QTMAN: variants seen among roughly 807,000 people sequenced by gnomAD.
QTMAN encodes queuosine-tRNA mannosyltransferase.
chr2:143,980,460 T>A, the QTMAN span, among the ~76,000 whole-genome samples: 15 of 152,196 alleles, frequency 9.9e-5, no homozygotes, highest in African/African-American at 3.6e-4. Context: ...TAACCTCTGG[T>A]TCCCCTATCA....
chr2:144,206,616 C>T, the QTMAN span, among the ~76,000 whole-genome samples: 2 of 152,104 alleles, frequency 1.3e-5, no homozygotes, highest in Non-Finnish European at 2.9e-5. Context: ...TGACAGATAC[C>T]ATTGTTAGGC....
chr2:144,150,700 T>C, the QTMAN span, among the ~76,000 whole-genome samples: 1 of 152,078 alleles, frequency 6.6e-6, no homozygotes, highest in Non-Finnish European at 1.5e-5. Context: ...TAGATGAATT[T>C]CACCTACCCA....
the QTMAN span, among the ~76,000 whole-genome samples, chr2:144,073,447 C>T: frequency 6.6e-6 from 1 of 151,998 alleles, no homozygotes; most frequent in East Asian, 1.9e-4. Flanking sequence ...GGGAGTCATT[C>T]TAAATATTCA....
the QTMAN span, among the ~76,000 whole-genome samples, chr2:144,160,014 C>T: frequency 1.3e-5 from 2 of 151,740 alleles, no homozygotes; most frequent in East Asian, 1.9e-4. Flanking sequence ...TAACAGTACA[C>T]GTAAAGACTA....
chr2:143,963,363 A>T, the QTMAN span, among the ~76,000 whole-genome samples: 9 of 152,176 alleles, frequency 5.9e-5, no homozygotes, highest in Admixed American at 2.6e-4. Flanking sequence ...GATTTCACTA[A>T]GAAAAAATAC....
chr2:144,024,496 G>C, the QTMAN span, among the ~76,000 whole-genome samples: 1 of 152,200 alleles, frequency 6.6e-6, no homozygotes, highest in Non-Finnish European at 1.5e-5. Flanking sequence ...CATATGTGAA[G>C]TGGAAAGAGG....
At chr2:144,299,005 T>TC in the QTMAN span, among the ~76,000 whole-genome samples, 1 of 152,184 alleles carries the variant, frequency 6.6e-6, no homozygotes, top group African/African-American at 2.4e-5. Context: ...GACTTTTTTT[T>TC]CAGCAGGATC....
the QTMAN span, among the ~76,000 whole-genome samples, chr2:144,122,458 A>G: frequency 6.6e-6 from 1 of 152,190 alleles, no homozygotes; most frequent in East Asian, 1.9e-4. Context: ...AAGAAAAAAC[A>G]CTGCACAAAT....
At chr2:144,270,094 T>C in the QTMAN span, among the ~76,000 whole-genome samples, 8 of 152,324 alleles carry the variant, frequency 5.3e-5, no homozygotes, top group Admixed American at 2.0e-4. Flanking sequence ...CTAATGGACA[T>C]ATTTAGTTGT....
the QTMAN span, among the ~76,000 whole-genome samples, chr2:144,230,907 T>C: frequency 6.6e-6 from 1 of 152,174 alleles, no homozygotes; most frequent in Non-Finnish European, 1.5e-5. Context: ...TCACTTTACC[T>C]TGCAATCTAC....
chr2:144,199,209 G>A, the QTMAN span, among the ~76,000 whole-genome samples: 7 of 152,050 alleles, frequency 4.6e-5, no homozygotes, highest in Middle Eastern at 3.4e-3. Context: ...CACTACGCCC[G>A]GCTAATTTTT....
the QTMAN span, among the ~76,000 whole-genome samples, chr2:144,195,771 T>A: frequency 6.6e-6 from 1 of 152,282 alleles, no homozygotes; most frequent in Admixed American, 6.5e-5. Context: ...ATTCTTAACC[T>A]CTGCTTCTCT....
the QTMAN span, among the ~76,000 whole-genome samples, chr2:144,056,829 T>C: frequency 5.6e-4 from 86 of 152,320 alleles, no homozygotes; most frequent in African/African-American, 2.0e-3. Context: ...ACAAGCCAAG[T>C]AAAATGTCCA....
the QTMAN span, among the ~76,000 whole-genome samples, chr2:143,961,820 C>A: frequency 9.2e-5 from 14 of 151,892 alleles, no homozygotes; most frequent in Non-Finnish European, 1.9e-4. Context: ...TGGGAGTGAT[C>A]CTAGAAAAAA....
At chr2:144,118,084 G>C in the QTMAN span, among the ~76,000 whole-genome samples, 52 of 152,212 alleles carry the variant, frequency 3.4e-4, no homozygotes, top group African/African-American at 1.2e-3. Flanking sequence ...CTGACCTTGT[G>C]ATCTGCCCAC....
At chr2:144,133,314 T>C in the QTMAN span, among the ~76,000 whole-genome samples, 3 of 42,046 alleles carry the variant, frequency 7.1e-5, no homozygotes, top group African/African-American at 2.8e-4. Flanking sequence ...CATATAAATA[T>C]ATATGTATAT....
chr2:144,045,248 G>A, the QTMAN span, among the ~76,000 whole-genome samples: 1,169 of 152,252 alleles, frequency 7.7e-3, 16 homozygotes, highest in African/African-American at 0.027. Context: ...AGGAGAGGAT[G>A]GCATTTCAGG....
chr2:144,199,151 G>A, the QTMAN span, among the ~76,000 whole-genome samples: 1 of 151,352 alleles, frequency 6.6e-6, no homozygotes, highest in Admixed American at 6.6e-5. Context: ...AGGTTCAAAC[G>A]ATTCTCCTAT....
At chr2:143,949,827 G>C in the QTMAN span, among the ~76,000 whole-genome samples, 1 of 151,368 alleles carries the variant, frequency 6.6e-6, no homozygotes, top group Admixed American at 6.6e-5. Context: ...TATTATAAAG[G>C]TTTAGAAGGC....
Sources: gnomAD v4.1 joint callset for allele counts (sites outside exome capture counted in the v4.1 genomes callset) on GRCh38, gnomAD v4.1.1 for gene constraint, MANE v1.5 for transcripts, NCBI Gene and HGNC (gene_info 2026-07-23, HGNC 2026-07-21) for gene names.